The following ZNF804B variants were observed in gnomAD, a reference collection of about 807,000 sequenced individuals.
ZNF804B encodes zinc finger protein 804B.
A neutral mutation model predicts 101.4 loss-of-function variants in ZNF804B; 80 were observed. That is an observed-to-expected ratio of 0.79 (90% CI 0.66 to 0.95). ZNF804B has a LOEUF of 0.95. ZNF804B is among the 40% of genes least tolerant of loss of function. The probability of loss-of-function intolerance (pLI) is 0.00; values close to 1 mark genes in which losing one functional copy is unlikely to be tolerated. For synonymous variants in ZNF804B, 622 were observed against 558.8 expected, an observed-to-expected ratio of 1.11 and a Z score of -1.59; for missense variants, 1,673 against 1,561.9, an observed-to-expected ratio of 1.07 and a Z score of -1.20.
At chr7:89,252,933 T>C (rs1789564524) in intron 2 of ZNF804B, among the ~76,000 whole-genome samples, 1 of 152,174 alleles carries the variant, frequency 6.6e-6, no homozygotes, top group African/African-American at 2.4e-5. Flanking sequence ...GCTCAGTAAC[T>C]GGGTGACGGG....
intron 1 of ZNF804B, among the ~76,000 whole-genome samples, chr7:88,900,615 T>C (rs187150518): frequency 3.3e-4 from 49 of 149,844 alleles, no homozygotes; most frequent in Non-Finnish European, 6.7e-4. Flanking sequence ...AAAAAATCTC[T>C]TTATTATTGA....
At chr7:89,061,096 C>T (rs1051870245) in intron 1 of ZNF804B, among the ~76,000 whole-genome samples, 1 of 151,958 alleles carries the variant, frequency 6.6e-6, no homozygotes, top group African/African-American at 2.4e-5. Flanking sequence ...TTTGTCTGCT[C>T]GTAACTGTTA....
intron 1 of ZNF804B, among the ~76,000 whole-genome samples, chr7:88,762,700 CT>C (rs5885636): frequency 0.13 from 18,577 of 141,928 alleles, 1,258 homozygotes; most frequent in East Asian, 0.38. Flanking sequence ...GCTACTCTGA[CT>C]TTTTTTTTTT....
chr7:88,817,326 C>A (rs560119300), intron 1 of ZNF804B, among the ~76,000 whole-genome samples: 1 of 152,150 alleles, frequency 6.6e-6, no homozygotes, highest in Non-Finnish European at 1.5e-5. Context: ...CACATGTATA[C>A]ATATGTAACA....
chr7:89,108,675 T>C (rs551261387), intron 1 of ZNF804B, among the ~76,000 whole-genome samples: 3 of 152,246 alleles, frequency 2.0e-5, no homozygotes, highest in Admixed American at 6.5e-5. Flanking sequence ...TCTAGGTCAA[T>C]GGTGACCTTT....
intron 1 of ZNF804B, among the ~76,000 whole-genome samples, chr7:89,138,129 A>G (rs1454043489): frequency 1.3e-5 from 2 of 152,134 alleles, no homozygotes; most frequent in Non-Finnish European, 2.9e-5. Flanking sequence ...ACATCCAGGC[A>G]GAAGTTTGCT....
intron 1 of ZNF804B, among the ~76,000 whole-genome samples, chr7:88,925,492 A>G (rs1301979890): frequency 2.0e-5 from 3 of 152,170 alleles, no homozygotes; most frequent in African/African-American, 7.2e-5. Context: ...ACAGAAAGGG[A>G]CACTAAAGAT....
chr7:89,160,347 A>G (rs79030181), intron 1 of ZNF804B, among the ~76,000 whole-genome samples: 1 of 152,144 alleles, frequency 6.6e-6, no homozygotes, highest in Non-Finnish European at 1.5e-5. Flanking sequence ...GGATGTGGCG[A>G]TGAATAACCG....
chr7:89,328,231 G>C (rs1344081282), intron 3 of ZNF804B, among the ~76,000 whole-genome samples: 1 of 151,830 alleles, frequency 6.6e-6, no homozygotes, highest in Non-Finnish European at 1.5e-5. Flanking sequence ...TAATAAACAG[G>C]AGTGAGTGGC....
In ZNF804B at chr7:89,335,841, T is replaced by G. The variant is rs1365552879; in HGVS notation, c.2859T>G (p.Ser953Arg). The stretch of plus-strand genomic sequence containing the variant: ...AGATCTCTTCAAACAGTTGTAAAAG[T>G]GAATTAGAGGCTCCTTCGCAAGTCC... ...NVEISSNSCK[S>R]ELEAPSQVPC... Residue 953 changes from serine (S) to arginine (R), a missense_variant, in exon 4 of 4, where the codon AGT (serine) becomes AGG (arginine). By Grantham distance (110) the Ser-to-Arg change is moderately radical (BLOSUM62 -1). Transcript: ENST00000333190. 4 of 1,613,904 alleles carry G rather than the reference T, an allele frequency of 2.5e-6. No individual in the cohort carries two copies. The highest frequency in any genetic ancestry group is 2.7e-5 in the African/African-American group (2 of 74,890).
At chr7:89,063,835 A>G (rs1562874290) in intron 1 of ZNF804B, among the ~76,000 whole-genome samples, 1 of 152,208 alleles carries the variant, frequency 6.6e-6, no homozygotes, top group African/African-American at 2.4e-5. Flanking sequence ...TGGGTGAATG[A>G]ATGCGTCAAT....
chr7:89,222,427 A>T (rs766959624), intron 2 of ZNF804B, among the ~76,000 whole-genome samples: 1 of 151,934 alleles, frequency 6.6e-6, no homozygotes, highest in African/African-American at 2.4e-5. Flanking sequence ...TTATGACCAG[A>T]TAAGTCTTTT....
At chr7:89,062,017 C>T (rs572747256) in intron 1 of ZNF804B, among the ~76,000 whole-genome samples, 1 of 152,204 alleles carries the variant, frequency 6.6e-6, no homozygotes, top group East Asian at 1.9e-4. Context: ...ATCAAAAGCA[C>T]TTGTCTTCCC....
intron 1 of ZNF804B, among the ~76,000 whole-genome samples, chr7:88,885,012 TACTAC>T (rs1289988363): frequency 6.6e-6 from 1 of 151,890 alleles, no homozygotes; most frequent in Non-Finnish European, 1.5e-5. Flanking sequence ...CCGAATAAAT[TACTAC>T]ACTAAATCCT....
At chr7:89,224,584 G>A (rs116957280) in intron 2 of ZNF804B, among the ~76,000 whole-genome samples, 165 of 149,354 alleles carry the variant, frequency 1.1e-3, no homozygotes, top group Non-Finnish European at 1.7e-3. Context: ...AAGTGTAGAT[G>A]AGTGGTAGGG....
intron 1 of ZNF804B, among the ~76,000 whole-genome samples, chr7:89,105,381 G>A (rs1790118998): frequency 6.6e-6 from 1 of 152,020 alleles, no homozygotes; most frequent in African/African-American, 2.4e-5. Flanking sequence ...TAAATTCCAT[G>A]GATAGCTTTT....
At chr7:89,198,495 A>G (rs1788586965) in intron 1 of ZNF804B, among the ~76,000 whole-genome samples, 1 of 151,880 alleles carries the variant, frequency 6.6e-6, no homozygotes, top group South Asian at 2.1e-4. Context: ...TTAGTGAAAA[A>G]CACTATAAGC....
chr7:89,217,512 TATTCTATAATCAAAGAG>T (rs1031091719), intron 1 of ZNF804B, among the ~76,000 whole-genome samples: 2 of 152,212 alleles, frequency 1.3e-5, no homozygotes, highest in African/African-American at 4.8e-5. Flanking sequence ...TTGCCACTAT[TATTCTATAATCAAAGAG>T]ATTCTATAAT....
rs768696000 is a variant in ZNF804B, at chr7:89,335,334, C to T, written c.2352C>T (p.Asn784=). 2 of 1,613,588 alleles carry T rather than the reference C, an allele frequency of 1.2e-6. No homozygotes were observed. The highest frequency in any genetic ancestry group is 1.3e-5 in the African/African-American group (1 of 74,896). The change falls in exon 4 of 4, where the codon AAC becomes AAT. Residue 784 remains asparagine (N), a synonymous_variant. Coordinates refer to ENST00000333190, the MANE Select transcript of ZNF804B (RefSeq NM_181646.5). ...QMQSEPQKER[N]CKLWESFKNE... ...AGTCTGAACCACAGAAAGAGAGGAACTGCAAATTGTGGGAATCATTTAAAA... is the reference window on the plus strand; with the variant it reads ...AGTCTGAACCACAGAAAGAGAGGAATTGCAAATTGTGGGAATCATTTAAAA...
Sources: allele counts gnomAD v4.1 joint callset (sites outside exome capture counted in the v4.1 genomes callset), GRCh38; gene constraint gnomAD v4.1.1; transcripts MANE v1.5; gene names NCBI Gene and HGNC (gene_info 2026-07-23, HGNC 2026-07-21).